Variants in TRANK1 observed in about 807,000 individuals in gnomAD.
The protein encoded by TRANK1 is TPR and ankyrin repeat-containing protein 1.
Under a neutral mutation model 266.0 loss-of-function variants are expected in TRANK1, and 198 were observed. The ratio of observed to expected loss-of-function variants is 0.74; its 90% CI spans 0.66 to 0.84. TRANK1 has a LOEUF of 0.84. Ranked by LOEUF, TRANK1 falls within the 40% of genes least tolerant of loss-of-function variation. The pLI is 0.00. For missense variants in TRANK1, 3,326 were observed against 3,634.6 expected (o/e 0.92, Z 2.18); for synonymous variants, 1,396 against 1,384.1 (o/e 1.01, Z -0.19).
At chr3:36,892,844 A>T (rs890351664) in intron 6 of TRANK1, 57 bp downstream of exon 6, 2 of 743,418 alleles carry the variant, frequency 2.7e-6, no homozygotes, top group African/African-American at 4.4e-5. Context: ...AAACAAAACA[A>T]AACAAAACAT....
intron 3 of TRANK1, among the ~76,000 whole-genome samples, chr3:36,899,844 T>A (rs2079849474): frequency 6.6e-6 from 1 of 152,170 alleles, no homozygotes; most frequent in Admixed American, 6.5e-5. Context: ...ACGTCTCTGG[T>A]TGGTTGGTTT....
chr3:36,856,831 CG>C lies in TRANK1; in HGVS notation c.2890del (p.Arg964GlyfsTer11), dbSNP rs2079062205. 6.2e-7 allele frequency: 1 copy of C among 1,613,900 alleles called. No individual in the cohort carries two copies. Among genetic ancestry groups the C allele is most frequent in the African/African-American group, 1.3e-5 (1 of 74,932 alleles). ...CTTCCGCAGGACACAGGACAAGCCC[CG>C]GTTGTAGGCATTGCAGATGGCCTTG... ...SIKAICNAYN[R>X]GLSCVLRKKL... On this transcript the variant is annotated frameshift_variant, in exon 13 of 24. Coordinates refer to ENST00000645898, the MANE Select transcript of TRANK1 (RefSeq NM_001329998.2). LOFTEE classifies it high-confidence loss of function.
intron 9 of TRANK1, among the ~76,000 whole-genome samples, chr3:36,873,620 A>G (rs1049867176): frequency 6.6e-6 from 1 of 152,216 alleles, no homozygotes; most frequent in African/African-American, 2.4e-5. Context: ...GAAATAGAAT[A>G]TAAATGATAC....
At position 36,834,692 on chromosome 3, in the gene TRANK1, C is replaced by T. The variant is rs886179678; in HGVS notation, c.5663+70G>A. ...GTCAGAAGCAGCAGGATAGCACCAC[C>T]CAGAGCAGGCTGCCCCCAGAGAGAA... On this transcript the variant is annotated intron_variant, in intron 21 of 23. Coordinates refer to ENST00000645898, the MANE Select transcript of TRANK1 (RefSeq NM_001329998.2). 6.5e-5 allele frequency: 100 copies of T among 1,545,534 alleles called. 1 individual carries two copies. The African/African-American group carries it at 1.3e-3, about 19-fold the overall frequency.
chr3:36,901,100 T>G (rs1254768613), intron 3 of TRANK1, among the ~76,000 whole-genome samples: 1 of 96,992 alleles, frequency 1.0e-5, no homozygotes, highest in Non-Finnish European at 2.1e-5. Context: ...GATTCAAGGT[T>G]GTTTTTTTTT....
intron 11 of TRANK1, among the ~76,000 whole-genome samples, chr3:36,860,084 C>G (rs909731563): frequency 1.3e-5 from 2 of 152,040 alleles, no homozygotes; most frequent in Non-Finnish European, 2.9e-5. Context: ...ATTGATAACA[C>G]ATAATGTTTT....
Position 36,832,968 on chromosome 3 carries a change from G to A in TRANK1, c.6615C>T (p.Asn2205=), listed in dbSNP as rs1559413795. 6.2e-7 allele frequency: 1 copy of A among 1,611,482 alleles called. No individual in the cohort carries two copies. The highest frequency in any genetic ancestry group is 8.5e-7 in the Non-Finnish European group (1 of 1,178,532). ...GCAGAGGCCTGTGAAAATGTTCACA[G>A]TTTTCATCCTCACATTTTAAGCCTA... ...FIVGLKCEDE[N]CEHFHRPLRR... Residue 2205 remains asparagine, a synonymous_variant, in exon 22 of 24, where the codon AAC becomes AAT. Coordinates refer to ENST00000645898, the MANE Select transcript of TRANK1 (RefSeq NM_001329998.2).
chr3:36,862,116 T>G (rs143554119), intron 10 of TRANK1, among the ~76,000 whole-genome samples: 1 of 152,180 alleles, frequency 6.6e-6, no homozygotes, highest in African/African-American at 2.4e-5. Context: ...AAATAAATTT[T>G]TGTATAAGTA....
rs11924633 is a variant in TRANK1, at chr3:36,834,655, T to A, written c.5663+107A>T. 8.8e-4 allele frequency: 1,161 copies of A among 1,319,580 alleles called. 8 individuals are homozygous for A. In the African/African-American group the frequency reaches 0.016, roughly 18 times the overall value. The allele number at this position is 1,319,580 out of a possible 1,614,324, so 81.7% of individuals were successfully genotyped here. A position where few individuals can be genotyped will look rare whatever the true frequency, so the allele number is the denominator to read the frequency against. ...TCGCTTAAGTGGAAAGGGAGCAATG[T>A]GGTCAAACCATGTCAGAAGCAGCAG... On this transcript the variant is annotated intron_variant, in intron 21 of 23. Transcript: ENST00000645898.
At chr3:36,940,205 A>T (rs1030376151) in intron 1 of TRANK1, among the ~76,000 whole-genome samples, 7 of 151,444 alleles carry the variant, frequency 4.6e-5, no homozygotes, top group Non-Finnish European at 1.0e-4. Context: ...CTTAGTAAGA[A>T]GCTGCTCCTT....
In TRANK1 at chr3:36,937,071, T is replaced by G. The variant is rs1449175487; in HGVS notation, c.23+7716A>C. 5.3e-5 allele frequency among the ~76,000 whole-genome samples: 8 copies of G among 152,330 alleles called. No homozygotes were observed. The East Asian group carries it at 1.3e-3, about 26-fold the overall frequency. On this transcript the variant is annotated intron_variant, in intron 1 of 23. Transcript: ENST00000645898. ...GAGATCATGCCACTGCACTCCAGCC[T>G]GGGTGACAGAGCTAGGTTCCGTCTC...
At chr3:36,927,048 C>A (rs1324354112) in intron 1 of TRANK1, among the ~76,000 whole-genome samples, 1 of 152,146 alleles carries the variant, frequency 6.6e-6, no homozygotes, top group African/African-American at 2.4e-5. Context: ...AGGGTATCAG[C>A]CAGTAAAAGA....
At chr3:36,922,897 A>G (rs1245197452) in intron 1 of TRANK1, among the ~76,000 whole-genome samples, 13 of 152,172 alleles carry the variant, frequency 8.5e-5, no homozygotes, top group Admixed American at 8.5e-4. Context: ...AGTCCTAATT[A>G]GGAACAGGAA....
At chr3:36,858,172 C>A in intron 12 of TRANK1, 123 bp from the exon 13 acceptor site, 1 of 799,870 alleles carries the variant, frequency 1.3e-6, no homozygotes, top group South Asian at 1.9e-5. Flanking sequence ...CCCAAAAAAT[C>A]TGAAATCCAT....
intron 15 of TRANK1, 87 bp from the exon 16 acceptor site, chr3:36,847,433 C>T: frequency 1.4e-6 from 2 of 1,459,582 alleles, no homozygotes; most frequent in Non-Finnish European, 1.9e-6. Flanking sequence ...AAAACTAAGC[C>T]TCATCGGGGG....
intron 3 of TRANK1, among the ~76,000 whole-genome samples, chr3:36,902,096 A>G (rs1188501003): frequency 6.6e-6 from 1 of 152,214 alleles, no homozygotes; most frequent in Non-Finnish European, 1.5e-5. Flanking sequence ...ATCCACTGAC[A>G]CTAACAATAG....
intron 1 of TRANK1, among the ~76,000 whole-genome samples, chr3:36,940,461 C>T (rs1333727135): frequency 6.6e-6 from 1 of 150,868 alleles, no homozygotes; most frequent in Non-Finnish European, 1.5e-5. Context: ...GATCGTGCCA[C>T]TGCACTCCAG....
intron 17 of TRANK1, 110 bp from the exon 18 acceptor site, chr3:36,842,820 A>T: frequency 1.1e-6 from 1 of 935,902 alleles, no homozygotes; most frequent in Non-Finnish European, 1.7e-6. Context: ...TCACTTGTTA[A>T]AGTCCTAACT....
chr3:36,941,417 G>A (rs573624533), intron 1 of TRANK1, among the ~76,000 whole-genome samples: 6 of 152,324 alleles, frequency 3.9e-5, no homozygotes, highest in Middle Eastern at 3.4e-3. Context: ...GGTACTGTGA[G>A]GCTCAGCATC....
Sources: gnomAD v4.1 joint callset for allele counts (sites outside exome capture counted in the v4.1 genomes callset) on GRCh38, gnomAD v4.1.1 for gene constraint, MANE v1.5 for transcripts, NCBI Gene and HGNC (gene_info 2026-07-23, HGNC 2026-07-21) for gene names.